Variants in SETBP1 observed in about 807,000 individuals in gnomAD.
SETBP1 encodes the protein SET binding protein 1, also known as SET-binding protein.
In SETBP1, 9 loss-of-function variants were observed where a neutral mutation model predicts 101.0. The observed-to-expected ratio is 0.09, with a 90% CI of 0.05 to 0.16. SETBP1 has a LOEUF of 0.16. Ranked by LOEUF, SETBP1 falls within the 10% of genes least tolerant of loss-of-function variation. The pLI is 1.00. For missense variants in SETBP1, 1,858 were observed against 2,033.8 expected (o/e 0.91, Z 1.66); for synonymous variants, 818 against 788.5 (o/e 1.04, Z -0.63).
intron 2 of SETBP1, among the ~76,000 whole-genome samples, chr18:44,835,789 T>A (rs1471955820): frequency 2.6e-5 from 4 of 152,242 alleles, no homozygotes; most frequent in Non-Finnish European, 5.9e-5. Context: ...CTTGGCAACC[T>A]GTTCTCTGTA....
At chr18:44,696,528 G>A (rs1269051904) in intron 1 of SETBP1, among the ~76,000 whole-genome samples, 1 of 152,210 alleles carries the variant, frequency 6.6e-6, no homozygotes. Context: ...ATTCTATCTA[G>A]CAGTTTTGGA....
chr18:45,027,426 T>A (rs1233560298), intron 4 of SETBP1, among the ~76,000 whole-genome samples: 1 of 152,180 alleles, frequency 6.6e-6, no homozygotes, highest in African/African-American at 2.4e-5. Context: ...GTCTCATGAT[T>A]TCAGTCTCTT....
At chr18:44,994,739 A>C (rs546803604) in intron 4 of SETBP1, among the ~76,000 whole-genome samples, 1 of 152,366 alleles carries the variant, frequency 6.6e-6, no homozygotes, top group South Asian at 2.1e-4. Flanking sequence ...TACACATATC[A>C]GCTGAATCTT....
rs528118652 is a variant in SETBP1 at position 44,932,966 on chromosome 18, C to G, written c.541-16915C>G. On this transcript the variant is annotated intron_variant, in intron 3 of 5. Coordinates refer to ENST00000649279, the MANE Select transcript of SETBP1 (RefSeq NM_015559.3). ...CTTCTCTCAGCTCGTCAAAGTCATT[C>G]TCTCTCCGGCTTTGTTCCGTTGCTC... Among the ~76,000 whole-genome samples, 3 of 152,236 alleles carry G rather than the reference C, an allele frequency of 2.0e-5. No individual in the cohort carries two copies. The East Asian group carries it at 5.8e-4, about 29-fold the overall frequency.
At chr18:45,040,594 T>G (rs1048487107) in intron 5 of SETBP1, among the ~76,000 whole-genome samples, 3 of 151,422 alleles carry the variant, frequency 2.0e-5, no homozygotes, top group Admixed American at 2.0e-4. Flanking sequence ...CAAAGACAGG[T>G]GGTCCCCCAT....
intron 2 of SETBP1, among the ~76,000 whole-genome samples, chr18:44,744,770 AAAAAAAAAAAAAC>A (rs1410056846): frequency 2.4e-5 from 1 of 41,540 alleles, no homozygotes; most frequent in Admixed American, 2.6e-4. Flanking sequence ...CCCTCCTCTT[AAAAAAAAAAAAAC>A]AAAAAAAAAA....
chr18:44,720,393 A>G (rs2069560490), intron 2 of SETBP1, among the ~76,000 whole-genome samples: 1 of 152,234 alleles, frequency 6.6e-6, no homozygotes, highest in South Asian at 2.1e-4. Context: ...AGTTTTCTCA[A>G]TAGCCGCTGC....
At chr18:44,893,355 T>A (rs889878340) in intron 3 of SETBP1, among the ~76,000 whole-genome samples, 1 of 152,186 alleles carries the variant, frequency 6.6e-6, no homozygotes, top group African/African-American at 2.4e-5. Flanking sequence ...GTAGGTTCTA[T>A]GAATGCTCCA....
chr18:44,752,847 C>T (rs981536769), intron 2 of SETBP1, among the ~76,000 whole-genome samples: 1 of 152,154 alleles, frequency 6.6e-6, no homozygotes, highest in African/African-American at 2.4e-5. Context: ...CTCCTCTAAC[C>T]TTCTGGAATT....
At chr18:44,797,583 ATC>A (rs991118974) in intron 2 of SETBP1, among the ~76,000 whole-genome samples, 2 of 152,088 alleles carry the variant, frequency 1.3e-5, no homozygotes, top group African/African-American at 4.8e-5. Context: ...CAGGTTCAGG[ATC>A]TCTTAGAATT....
At chr18:44,884,367 T>C (rs546432553) in intron 3 of SETBP1, among the ~76,000 whole-genome samples, 7 of 152,316 alleles carry the variant, frequency 4.6e-5, no homozygotes, top group African/African-American at 7.2e-5. Flanking sequence ...ATAAATGCAA[T>C]TGTAAAACCC....
chr18:44,922,989 C>G (rs1891175033), intron 3 of SETBP1, among the ~76,000 whole-genome samples: 2 of 152,180 alleles, frequency 1.3e-5, no homozygotes, highest in Admixed American at 6.5e-5. Context: ...GGTTGGTTCT[C>G]AAACCATGGA....
At chr18:44,739,972 T>A (rs1395563314) in intron 2 of SETBP1, among the ~76,000 whole-genome samples, 1 of 152,012 alleles carries the variant, frequency 6.6e-6, no homozygotes, top group Non-Finnish European at 1.5e-5. Context: ...CTGCCTAGAG[T>A]GTCTTTGGAA....
At position 44,772,489 on chromosome 18, in the gene SETBP1, G is replaced by A. The variant is rs146863940; in HGVS notation, c.486+70657G>A. The stretch of plus-strand genomic sequence containing the variant: ...CGCATCCCTGGGAATGCTGGTGCCC[G>A]TCAGGGAGAGGAACATTCTTGGCTC... On this transcript the variant is annotated intron_variant, in intron 2 of 5. Coordinates refer to ENST00000649279, the MANE Select transcript of SETBP1 (RefSeq NM_015559.3). Among the ~76,000 whole-genome samples the A allele has an allele frequency of 6.3e-3, 962 of 152,216 alleles. 6 individuals are homozygous for A. Among genetic ancestry groups the A allele is most frequent in the Non-Finnish European group, 0.011 (721 of 67,984 alleles).
chr18:44,955,500 A>G (rs1374079199), intron 4 of SETBP1, among the ~76,000 whole-genome samples: 2 of 152,222 alleles, frequency 1.3e-5, no homozygotes, highest in African/African-American at 2.4e-5. Context: ...CCTCTTGTGT[A>G]TAGTGTGCTT....
intron 2 of SETBP1, among the ~76,000 whole-genome samples, chr18:44,768,747 A>G (rs1203452835): frequency 6.6e-6 from 1 of 152,250 alleles, no homozygotes; most frequent in Non-Finnish European, 1.5e-5. Context: ...CTCATAAAGT[A>G]TATACGGAGA....
In SETBP1 at chr18:44,789,010, C is replaced by T. The variant is rs2071311435; in HGVS notation, c.487-80220C>T. On this transcript the variant is annotated intron_variant, in intron 2 of 5. Coordinates refer to ENST00000649279, the MANE Select transcript of SETBP1 (RefSeq NM_015559.3). ...TAGAAACAGGGTTTTAACATGTTGT[C>T]CAGGGTGGTCTTGAATCCCTGGGCT... is the stretch of plus-strand genomic sequence containing the variant. Among the ~76,000 whole-genome samples the T allele has an allele frequency of 2.0e-5, 3 of 151,956 alleles. No homozygotes were observed. The South Asian group carries it at 6.2e-4, about 32-fold the overall frequency.
Position 44,730,422 on chromosome 18 carries a change from G to T in SETBP1, c.486+28590G>T, listed in dbSNP as rs368251439. 5.9e-5 allele frequency among the ~76,000 whole-genome samples: 9 copies of T among 152,324 alleles called. No individual in the cohort carries two copies. In the East Asian group the frequency reaches 1.7e-3, roughly 29 times the overall value. On this transcript the variant is annotated intron_variant, in intron 2 of 5. Transcript: ENST00000649279. ...ACTACGGAGGATTCAGAGAACATGCGATCTGCTATACAGATATGTAGATGG... is the reference window on the plus strand; with the variant it reads ...ACTACGGAGGATTCAGAGAACATGCTATCTGCTATACAGATATGTAGATGG...
chr18:44,693,018 G>A (rs773644453), intron 1 of SETBP1, among the ~76,000 whole-genome samples: 3 of 152,206 alleles, frequency 2.0e-5, no homozygotes, highest in Admixed American at 6.5e-5. Flanking sequence ...CTTTGCTATA[G>A]ACAGGTGATG....
Sources: gnomAD v4.1 joint callset for allele counts (sites outside exome capture counted in the v4.1 genomes callset) on GRCh38, gnomAD v4.1.1 for gene constraint, MANE v1.5 for transcripts, NCBI Gene and HGNC (gene_info 2026-07-23, HGNC 2026-07-21) for gene names.